CHML: variants seen among roughly 807,000 people sequenced by gnomAD.
CHML encodes rab proteins geranylgeranyltransferase component A 2.
A neutral mutation model predicts 30.4 loss-of-function variants in CHML; 20 were observed. The observed-to-expected ratio is 0.66, with a 90% confidence interval of 0.46 to 0.95. CHML has a LOEUF of 0.95. Among genes scored for constraint, CHML ranks in the 40% least tolerant of loss-of-function variants. The pLI is 0.00. For synonymous variants in CHML, 281 were observed against 275.0 expected (o/e 1.02, Z -0.22); for missense variants, 795 against 768.5 (o/e 1.03, Z -0.41).
rs1288613935 is a variant in CHML, at chr1:241,639,923, G to C, written c.-349C>G. 1.2e-6 allele frequency: 2 copies of C among 1,604,504 alleles called. No homozygotes were observed. The highest frequency in any genetic ancestry group is 1.7e-6 in the Non-Finnish European group (2 of 1,176,034). ...AAACCCGTCCCACACGCAGCCCACGGTGTCCCACACCCAGCCGTTCCTCAG... is the reference window on the plus strand; with the variant it reads ...AAACCCGTCCCACACGCAGCCCACGCTGTCCCACACCCAGCCGTTCCTCAG... On this transcript the variant is annotated 5_prime_UTR_variant, in exon 1 of 2. Transcript: ENST00000366553.
At position 241,635,013 on chromosome 1, in the gene CHML, C is replaced by G. The variant is rs774646910; in HGVS notation, c.754G>C (p.Asp252His). The change falls in exon 2 of 2, where the codon GAT becomes CAT. Residue 252 changes from aspartate to histidine, a missense_variant. By Grantham distance (81) the Asp-to-His change is moderately conservative. Transcript: ENST00000366553. ...GLLIDLLIKS[D>H]VSRYVEFKNV... ...TTAAATTCTACATAACGACTAACAT[C>G]TGATTTGATTAAAAGATCAATTAGC... The G allele has an allele frequency of 1.2e-6, 2 of 1,613,520 alleles. No individual in the cohort carries two copies. The highest frequency in any genetic ancestry group is 2.2e-5 in the South Asian group (2 of 90,970).
chr1:241,638,236 C>G (rs542766847), intron 1 of CHML, among the ~76,000 whole-genome samples: 1 of 152,178 alleles, frequency 6.6e-6, no homozygotes, highest in South Asian at 2.1e-4. Flanking sequence ...TAGAAAATCA[C>G]TGGGCTGGGA....
rs1027122817 is a variant in CHML at position 241,629,207 on chromosome 1, T to C, written c.*4589A>G. 4 of 152,222 alleles carry C rather than the reference T, an allele frequency of 2.6e-5. No individual in the cohort carries two copies. Among genetic ancestry groups the C allele is most frequent in the Non-Finnish European group, 2.9e-5 (2 of 68,004 alleles). 9.4% of individuals were successfully genotyped at this position (152,222 alleles called of 1,614,324 possible). On this transcript the variant is annotated 3_prime_UTR_variant, in exon 2 of 2. Coordinates refer to ENST00000366553, the MANE Select transcript of CHML (RefSeq NM_001381853.1). ...GAACTGCTAGAAAACTTTGTACAAA[T>C]AGCTTTTCTTTCTTTTAAATATTTT... is the stretch of plus-strand genomic sequence containing the variant.
rs968481710 is a variant in CHML, at chr1:241,635,078, T to C, written c.689A>G (p.Asn230Ser). 2 of 1,612,940 alleles carry C rather than the reference T, an allele frequency of 1.2e-6. No individual in the cohort carries two copies. Among genetic ancestry groups the C allele is most frequent in the Admixed American group, 1.7e-5 (1 of 59,984 alleles). Residue 230 changes from asparagine to serine, a missense_variant, in exon 2 of 2, where the codon AAT becomes AGT. Asn to Ser is a conservative substitution (Grantham distance 46, BLOSUM62 1). Coordinates refer to ENST00000366553, the MANE Select transcript of CHML (RefSeq NM_001381853.1). ...SQIVKEGRRF[N>S]IDLVSKLLYS... Reference sequence around the variant, plus strand: ...CAGCAGTTTTGACACCAAATCAATATTAAACCTCCTGCCTTCTTTAACTAT... The same window carrying C: ...CAGCAGTTTTGACACCAAATCAATACTAAACCTCCTGCCTTCTTTAACTAT...
Position 241,634,327 on chromosome 1 carries a change from A to G in CHML, c.1440T>C (p.Pro480=), listed in dbSNP as rs145348026. Reference sequence around the variant, plus strand: ...CAGCACAAGCTCCTGGCTCTGCTGGAGGAACTATCAGAATGGAAGTCTGCT... The same window carrying G: ...CAGCACAAGCTCCTGGCTCTGCTGGGGGAACTATCAGAATGGAAGTCTGCT... The part of the protein sequence containing the change: ...LDQQTSILIV[P]PAEPGACAVR... The change falls in exon 2 of 2, where the codon CCT becomes CCC. Residue 480 remains proline (P), a synonymous_variant. Transcript: ENST00000366553. 4.4e-4 allele frequency: 710 copies of G among 1,613,984 alleles called. 4 individuals carry two copies. Among genetic ancestry groups the G allele is most frequent in the Non-Finnish European group, 8.0e-5 (94 of 1,179,904 alleles).
Position 241,629,506 on chromosome 1 carries a change from G to T in CHML, c.*4290C>A, listed in dbSNP as rs906658595. On this transcript the variant is annotated 3_prime_UTR_variant, in exon 2 of 2. Coordinates refer to ENST00000366553, the MANE Select transcript of CHML (RefSeq NM_001381853.1). ...TTTGCCTAAGAGTACAAACCCTTAT[G>T]GATATGCATATAGTTTTACAAAAAC... 3.3e-5 allele frequency: 5 copies of T among 152,002 alleles called. No individual in the cohort carries two copies. The highest frequency in any genetic ancestry group is 1.2e-4 in the African/African-American group (5 of 41,394). 9.4% of individuals were successfully genotyped at this position (152,002 alleles called of 1,614,324 possible).
At position 241,635,547 on chromosome 1, in the gene CHML, C is replaced by T. The variant is rs758329655; in HGVS notation, c.220G>A (p.Val74Ile). Residue 74 changes from valine to isoleucine, a missense_variant, in exon 2 of 2, where the codon GTT (valine) becomes ATT (isoleucine). Physicochemically the swap from Val to Ile is conservative, Grantham distance 29 (BLOSUM62 3). Transcript: ENST00000366553. ...TCATGGATCAGGTCCTGCCATACAA[C>T]AGTACTTTCTTCCCCAATGTCATTG... is the stretch of plus-strand genomic sequence containing the variant. ...QNNDIGEEST[V>I]VWQDLIHETE... is the part of the protein sequence containing the mutation. 6.2e-7 allele frequency: 1 copy of T among 1,614,060 alleles called. No homozygotes were observed. Among genetic ancestry groups the T allele is most frequent in the South Asian group, 1.1e-5 (1 of 91,080 alleles).
rs1234875525 is a variant in CHML at position 241,635,236 on chromosome 1, C to T, written c.531G>A (p.Glu177=). Residue 177 remains glutamate (E), a synonymous_variant, in exon 2 of 2, where the codon GAG becomes GAA. Transcript: ENST00000366553. ...TTTTATCTCCACAATACTTTTCCTT[C>T]TCCACTGATTCCTCTACATCAGTTA... ...LEVTDVEESV[E]KEKYCGDKTC... 3 of 1,613,628 alleles carry T rather than the reference C, an allele frequency of 1.9e-6. No individual in the cohort carries two copies. Among genetic ancestry groups the T allele is most frequent in the African/African-American group, 2.7e-5 (2 of 74,916 alleles).
chr1:241,635,282 T>C lies in CHML; in HGVS notation c.485A>G (p.Asp162Gly). 6.2e-7 allele frequency: 1 copy of C among 1,614,024 alleles called. No individual in the cohort carries two copies. Among genetic ancestry groups the C allele is most frequent in the Non-Finnish European group, 8.5e-7 (1 of 1,179,948 alleles). Residue 162 changes from aspartate to glycine, a missense_variant, in exon 2 of 2, where the codon GAT (aspartate) becomes GGT (glycine). By Grantham distance (94) the Asp-to-Gly change is moderately conservative. Transcript: ENST00000366553. ...EMPAKHTQKSDTEISLEVTDV... is the reference protein window; with the variant it reads ...EMPAKHTQKSGTEISLEVTDV... ...AGTTACTTCTAGTGAAATCTCTGTA[T>C]CACTTTTCTGAGTGTGTTTTGCAGG...
chr1:241,635,179 T>G lies in CHML; in HGVS notation c.588A>C (p.Gly196=). ...CTGTAGATTTGCTTTCATCTTTATC[T>G]CCATCTTTATCTGAAACTGTGTGCA... The part of the protein sequence containing the change: ...TCMHTVSDKD[G]DKDESKSTVE... Residue 196 remains glycine, a synonymous_variant, in exon 2 of 2, where the codon GGA becomes GGC. Transcript: ENST00000366553. 6.2e-7 allele frequency: 1 copy of G among 1,613,082 alleles called. No homozygotes were observed. The highest frequency in any genetic ancestry group is 8.5e-7 in the Non-Finnish European group (1 of 1,179,920).
At position 241,640,224 on chromosome 1, in the gene CHML, C is replaced by G; in HGVS notation, c.-650G>C. On this transcript the variant is annotated 5_prime_UTR_variant, in exon 1 of 2. Transcript: ENST00000366553. Reference sequence around the variant, plus strand: ...GCGGCCCCGCCGCCGTCCCAGTAGCCGTGGCCGCCGCTGCGGTTCCCCGAG... The same window carrying G: ...GCGGCCCCGCCGCCGTCCCAGTAGCGGTGGCCGCCGCTGCGGTTCCCCGAG... 1 of 1,329,696 alleles carries G rather than the reference C, an allele frequency of 7.5e-7. No individual in the cohort carries two copies. Among genetic ancestry groups the G allele is most frequent in the South Asian group, 2.0e-5 (1 of 49,436 alleles). The allele number at this position is 1,329,696 out of a possible 1,614,324, so 82.4% of individuals were successfully genotyped here. A position where few individuals can be genotyped will look rare whatever the true frequency, so the allele number is the denominator to read the frequency against.
At chr1:241,636,433 T>G (rs991419162) in intron 1 of CHML, among the ~76,000 whole-genome samples, 7 of 152,262 alleles carry the variant, frequency 4.6e-5, no homozygotes, top group Non-Finnish European at 8.8e-5. Flanking sequence ...GCTCCACTGT[T>G]TATAGAAACA....
rs965153578 is a variant in CHML at position 241,631,506 on chromosome 1, T to C, written c.*2290A>G. 1.3e-5 allele frequency: 2 copies of C among 152,184 alleles called. No homozygotes were observed. The highest frequency in any genetic ancestry group is 2.4e-5 in the African/African-American group (1 of 41,452). The allele number at this position is 152,184 out of a possible 1,614,324, so 9.4% of individuals were successfully genotyped here. A position where few individuals can be genotyped will look rare whatever the true frequency, so the allele number is the denominator to read the frequency against. On this transcript the variant is annotated 3_prime_UTR_variant, in exon 2 of 2. Coordinates refer to ENST00000366553, the MANE Select transcript of CHML (RefSeq NM_001381853.1). ...GATAAAGTTTAAATATGACTTTTACTATATTTTTAAAAGTCAATACAATCC... is the reference window on the plus strand; with the variant it reads ...GATAAAGTTTAAATATGACTTTTACCATATTTTTAAAAGTCAATACAATCC...
At chr1:241,639,431 T>C (rs1251665078) in intron 1 of CHML, among the ~76,000 whole-genome samples, 1 of 152,180 alleles carries the variant, frequency 6.6e-6, no homozygotes, top group Admixed American at 6.5e-5. Context: ...TAGTAGTACA[T>C]GAATCTAATC....
At position 241,639,963 on chromosome 1, in the gene CHML, T is replaced by G. The variant is rs766557653; in HGVS notation, c.-389A>C. ...CCGTTCCTCAGGCAGGACACGAAGG[T>G]AAAGGTGACCCCGAAGAGGGACACC... On this transcript the variant is annotated 5_prime_UTR_variant, in exon 1 of 2. Transcript: ENST00000366553. The G allele has an allele frequency of 1.2e-6, 2 of 1,611,340 alleles. No individual in the cohort carries two copies. The highest frequency in any genetic ancestry group is 4.5e-5 in the East Asian group (2 of 44,446).
rs1000467306 is a variant in CHML at position 241,630,269 on chromosome 1, C to T, written c.*3527G>A. Reference sequence around the variant, plus strand: ...CTCCCCATGTACTACTTTTCCACTACACTGGCATGGCTCCCATGGGAGTTT... The same window carrying T: ...CTCCCCATGTACTACTTTTCCACTATACTGGCATGGCTCCCATGGGAGTTT... On this transcript the variant is annotated 3_prime_UTR_variant, in exon 2 of 2. Coordinates refer to ENST00000366553, the MANE Select transcript of CHML (RefSeq NM_001381853.1). The T allele has an allele frequency of 6.6e-6, 1 of 152,048 alleles. No individual in the cohort carries two copies. Among genetic ancestry groups the T allele is most frequent in the Non-Finnish European group, 1.5e-5 (1 of 67,938 alleles). 9.4% of individuals were successfully genotyped at this position (152,048 alleles called of 1,614,324 possible).
Position 241,640,304 on chromosome 1 carries a change from G to C in CHML, c.-730C>G. ...GGCGGAGGCGCTCAGCTTGCGGCGG[G>C]GCTCGCGGCGCGCTCCGCACTGGGT... On this transcript the variant is annotated 5_prime_UTR_variant, in exon 1 of 2. Transcript: ENST00000366553. 1 of 1,110,236 alleles carries C rather than the reference G, an allele frequency of 9.0e-7. No individual in the cohort carries two copies. Among genetic ancestry groups the C allele is most frequent in the Non-Finnish European group, 1.1e-6 (1 of 914,140 alleles). 68.8% of individuals were successfully genotyped at this position (1,110,236 alleles called of 1,614,324 possible). A position where few individuals can be genotyped will look rare whatever the true frequency, so the allele number is the denominator to read the frequency against.
intron 1 of CHML, 28 bp downstream of exon 1, chr1:241,639,854 G>A (rs758569925): frequency 1.3e-5 from 20 of 1,491,158 alleles, no homozygotes; most frequent in African/African-American, 1.4e-5. Context: ...TTGCAGAGGG[G>A]AGGCTGCCTT....
At chr1:241,638,209 A>G (rs1664977574) in intron 1 of CHML, among the ~76,000 whole-genome samples, 2 of 152,230 alleles carry the variant, frequency 1.3e-5, no homozygotes, top group South Asian at 4.1e-4. Flanking sequence ...GCCCTCAGGC[A>G]AAAATCTAAG....
Sources: gnomAD v4.1 joint callset for allele counts (sites outside exome capture counted in the v4.1 genomes callset) on GRCh38, gnomAD v4.1.1 for gene constraint, MANE v1.5 for transcripts, NCBI Gene and HGNC (gene_info 2026-07-23, HGNC 2026-07-21) for gene names.